The following PIGX variants were observed in gnomAD, a reference collection of about 807,000 sequenced individuals.
The protein encoded by PIGX is GPI alpha-1,4-mannosyltransferase I, stabilizing subunit.
A neutral mutation model predicts 28.7 loss-of-function variants in PIGX; 24 were observed. The observed-to-expected ratio is 0.84, with a 90% CI of 0.60 to 1.17. PIGX has a LOEUF of 1.17. PIGX is among the 50% of genes most tolerant of loss of function. The pLI is 0.00. For synonymous variants in PIGX, 127 were observed against 121.0 expected, an observed-to-expected ratio of 1.05 and a Z score of -0.33; for missense variants, 305 against 317.8, an observed-to-expected ratio of 0.96 and a Z score of 0.31.
intron 1 of PIGX, among the ~76,000 whole-genome samples, chr3:196,713,768 C>T (rs770754074): frequency 6.8e-6 from 1 of 147,216 alleles, no homozygotes; most frequent in African/African-American, 2.5e-5. Context: ...ACTAGGGAGG[C>T]GGAGGTTGCA....
chr3:196,715,765 G>T (rs1201443907), intron 1 of PIGX, among the ~76,000 whole-genome samples: 1 of 152,032 alleles, frequency 6.6e-6, no homozygotes, highest in East Asian at 1.9e-4. Flanking sequence ...GCTCACTGCA[G>T]CCTCCCTCTG....
At chr3:196,732,211 A>ATTATTTAT (rs1272352714) in intron 5 of PIGX, among the ~76,000 whole-genome samples, 6 of 75,704 alleles carry the variant, frequency 7.9e-5, no homozygotes, top group Admixed American at 1.8e-4. Context: ...ATATGTATAT[A>ATTATTTAT]TTATTTATAT....
chr3:196,722,467 T>C lies in PIGX; in HGVS notation c.229T>C (p.Cys77Arg), dbSNP rs1331610685. 2 of 1,612,260 alleles carry C rather than the reference T, an allele frequency of 1.2e-6. No homozygotes were observed. Among genetic ancestry groups the C allele is most frequent in the Non-Finnish European group, 1.7e-6 (2 of 1,178,244 alleles). Residue 77 changes from cysteine to arginine, a missense_variant, in exon 3 of 6, where the codon TGC (cysteine) becomes CGC (arginine). Physicochemically the swap from Cys to Arg is radical, Grantham distance 180 (BLOSUM62 -3). Coordinates refer to ENST00000392391, the MANE Select transcript of PIGX (RefSeq NM_017861.4). ...GGAAAGCATTGAGGACTTGCACACC[T>C]GCCGTCTCTTAATTAAACAGGACAT...
chr3:196,731,825 T>TTTAC (rs745445058), intron 5 of PIGX, among the ~76,000 whole-genome samples: 7 of 151,924 alleles, frequency 4.6e-5, no homozygotes, highest in Admixed American at 4.6e-4. Context: ...GTTGTCCTTA[T>TTTAC]TTATTTATTT....
chr3:196,729,197 G>A (rs1712643920), intron 4 of PIGX, among the ~76,000 whole-genome samples: 1 of 151,926 alleles, frequency 6.6e-6, no homozygotes, highest in Non-Finnish European at 1.5e-5. Flanking sequence ...GCTGGGAGAG[G>A]TGGCGGGCGT....
At chr3:196,716,786 CTT>C (rs562953845) in intron 1 of PIGX, 70 bp from the exon 2 acceptor site, 143 of 729,006 alleles carry the variant, frequency 2.0e-4, no homozygotes, top group African/African-American at 1.6e-3. Flanking sequence ...TAAAATAACT[CTT>C]TTATAATTAT....
At chr3:196,718,543 A>T (rs1712189462) in intron 2 of PIGX, among the ~76,000 whole-genome samples, 1 of 152,122 alleles carries the variant, frequency 6.6e-6, no homozygotes, top group Non-Finnish European at 1.5e-5. Flanking sequence ...GATGAAGTAC[A>T]TTGATGTTTC....
At chr3:196,718,113 A>G (rs746603222) in intron 2 of PIGX, among the ~76,000 whole-genome samples, 7 of 152,142 alleles carry the variant, frequency 4.6e-5, no homozygotes, top group Non-Finnish European at 8.8e-5. Flanking sequence ...GTTCGAGACC[A>G]GCGTGGCAAA....
intron 4 of PIGX, among the ~76,000 whole-genome samples, chr3:196,729,667 G>A (rs983517505): frequency 6.6e-6 from 1 of 151,612 alleles, no homozygotes; most frequent in Non-Finnish European, 1.5e-5. Context: ...GATTACAGGC[G>A]TGAGCCACAG....
At chr3:196,723,248 G>A (rs534137061) in intron 3 of PIGX, among the ~76,000 whole-genome samples, 69 of 152,308 alleles carry the variant, frequency 4.5e-4, no homozygotes, top group African/African-American at 1.4e-3. Flanking sequence ...GGCTGAGGCC[G>A]GAGAATCACT....
At chr3:196,715,997 T>TGG (rs1255764422) in intron 1 of PIGX, among the ~76,000 whole-genome samples, 1 of 152,078 alleles carries the variant, frequency 6.6e-6, no homozygotes, top group Non-Finnish European at 1.5e-5. Context: ...TTAAGATGCT[T>TGG]ACATTGAGTA....
Position 196,732,252 on chromosome 3 carries a change from A to ATT in PIGX, c.633+1161_633+1162insTT, listed in dbSNP as rs1373119016. On this transcript the variant is annotated intron_variant, in intron 5 of 5. Transcript: ENST00000392391. ...TATATATATATATATATATATATATATATATTTTATTTTATTTTATTTTTT... is the reference window on the plus strand; with the variant it reads ...TATATATATATATATATATATATATATTTATATTTTATTTTATTTTATTTTTT... Among the ~76,000 whole-genome samples the ATT allele has an allele frequency of 8.1e-4, 18 of 22,280 alleles. 1 individual carries two copies. Among genetic ancestry groups the ATT allele is most frequent in the African/African-American group, 4.1e-3 (18 of 4,410 alleles). The allele number at this position is 22,280 out of a possible 152,430, so 14.6% of individuals were successfully genotyped here.
Position 196,731,854 on chromosome 3 carries a change from T to A in PIGX, c.633+762T>A, listed in dbSNP as rs142905125. On this transcript the variant is annotated intron_variant, in intron 5 of 5. Coordinates refer to ENST00000392391, the MANE Select transcript of PIGX (RefSeq NM_017861.4). The stretch of plus-strand genomic sequence containing the variant: ...TTTATTTATTTATTTTGAGACAGAG[T>A]CTCGCTCTGTTGCCCAGGCTGGAGT... Among the ~76,000 whole-genome samples, 450 of 152,130 alleles carry A rather than the reference T, an allele frequency of 3.0e-3. 1 individual carries two copies. Among genetic ancestry groups the A allele is most frequent in the Non-Finnish European group, 4.5e-3 (303 of 68,012 alleles).
At chr3:196,727,329 G>A (rs1712563064) in intron 3 of PIGX, among the ~76,000 whole-genome samples, 1 of 152,174 alleles carries the variant, frequency 6.6e-6, no homozygotes, top group Non-Finnish European at 1.5e-5. Flanking sequence ...CACTTTTGGT[G>A]TAGAATACTA....
chr3:196,714,312 A>G (rs1296041516), intron 1 of PIGX, among the ~76,000 whole-genome samples: 4 of 152,150 alleles, frequency 2.6e-5, no homozygotes, highest in Non-Finnish European at 5.9e-5. Flanking sequence ...AAAAAATTTA[A>G]AAGTAGCCAG....
chr3:196,730,957 G>C, intron 4 of PIGX, 35 bp from the exon 5 acceptor site: 1 of 1,295,264 alleles, frequency 7.7e-7, no homozygotes, highest in Non-Finnish European at 1.1e-6. Flanking sequence ...TCCAAATACA[G>C]GTTTTCTGAC....
At chr3:196,729,401 CTTTCTTTCTTA>C (rs1712655279) in intron 4 of PIGX, among the ~76,000 whole-genome samples, 1 of 151,148 alleles carries the variant, frequency 6.6e-6, no homozygotes, top group African/African-American at 2.4e-5. Context: ...TGTTTTCTTT[CTTTCTTTCTTA>C]TTTTTTTTTT....
chr3:196,733,616 T>C lies in PIGX; in HGVS notation c.634-143T>C. 1.6e-6 allele frequency: 1 copy of C among 614,664 alleles called. No individual in the cohort carries two copies. The highest frequency in any genetic ancestry group is 2.9e-6 in the Non-Finnish European group (1 of 342,680). The allele number at this position is 614,664 out of a possible 1,614,324, so 38.1% of individuals were successfully genotyped here. On this transcript the variant is annotated intron_variant, in intron 5 of 5. Coordinates refer to ENST00000392391, the MANE Select transcript of PIGX (RefSeq NM_017861.4). The surrounding 1 kb of genome is among the most constrained non-coding windows in gnomAD (Gnocchi z 4.3). ...TAGTAGAGATGGTTTAGTAGAGATG[T>C]TGGCCAGGCTGGTTTTGAACTCCTG... is the stretch of plus-strand genomic sequence containing the variant.
intron 3 of PIGX, 94 bp from the exon 4 acceptor site, chr3:196,727,829 G>A: frequency 1.3e-6 from 1 of 794,184 alleles, no homozygotes; most frequent in Non-Finnish European, 2.0e-6. Flanking sequence ...ATTTGACACT[G>A]CTGTGTATCT....
Sources: gnomAD v4.1 joint callset for allele counts (sites outside exome capture counted in the v4.1 genomes callset) on GRCh38, gnomAD v4.1.1 for gene constraint, Gnocchi (gnomAD v3.1) non-coding constraint, MANE v1.5 for transcripts, NCBI Gene and HGNC (gene_info 2026-07-23, HGNC 2026-07-21) for gene names.